EIF2B4: variants seen among roughly 807,000 people sequenced by gnomAD.
EIF2B4 encodes the protein eukaryotic translation initiation factor 2B subunit delta, also known as translation initiation factor eIF2B subunit delta.
EIF2B4 carries 34 observed loss-of-function variants against 66.7 expected under a neutral mutation model. The observed-to-expected ratio is 0.51, with a 90% CI of 0.39 to 0.68. The LOEUF (loss-of-function observed/expected upper bound fraction) is 0.68, where lower values mean the gene tolerates loss of function less well. Among genes scored for constraint, EIF2B4 ranks in the 30% least tolerant of loss-of-function variants. EIF2B4 has a pLI of 0.00. For synonymous variants in EIF2B4, 278 were observed against 253.6 expected (o/e 1.10, Z -0.92); for missense variants, 618 against 657.9 (o/e 0.94, Z 0.66).
In EIF2B4 at chr2:27,368,713, A is replaced by G; in HGVS notation, c.439T>C (p.Tyr147His). 6.2e-7 allele frequency: 1 copy of G among 1,614,136 alleles called. No homozygotes were observed. Among genetic ancestry groups the G allele is most frequent in the South Asian group, 1.1e-5 (1 of 91,082 alleles). ...TPSGVKRLPEYPQVDDLLLRR... is the reference protein window; with the variant it reads ...TPSGVKRLPEHPQVDDLLLRR... Reference sequence around the variant, plus strand: ...AGAAGTAGGTCATCAACCTGAGGGTACTCAGGGAGACGCTTCACTCCTGAA... The same window carrying G: ...AGAAGTAGGTCATCAACCTGAGGGTGCTCAGGGAGACGCTTCACTCCTGAA... Residue 147 changes from tyrosine to histidine, a missense_variant, in exon 5 of 13, where the codon TAC becomes CAC. Around this residue, in one of 4 missense-constraint regions of EIF2B4, gnomAD observed 506 missense variants for 511.9 expected, o/e 0.99. Transcript: ENST00000347454.
At chr2:27,367,422 A>G in intron 9 of EIF2B4, 35 bp downstream of exon 9, 2 of 1,612,002 alleles carry the variant, frequency 1.2e-6, no homozygotes, top group Non-Finnish European at 1.7e-6. Context: ...TTTTACCCAC[A>G]GGTGCATGCC....
chr2:27,368,487 C>G, intron 5 of EIF2B4, 24 bp from the exon 6 acceptor site: 2 of 1,599,402 alleles, frequency 1.3e-6, no homozygotes, highest in African/African-American at 2.7e-5. Context: ...GGGAACAGGA[C>G]CAATGGCCCA....
intron 7 of EIF2B4, 98 bp from the exon 8 acceptor site, chr2:27,367,920 A>G (rs1019449767): frequency 8.1e-6 from 12 of 1,482,622 alleles, no homozygotes; most frequent in Non-Finnish European, 1.1e-5. Flanking sequence ...TTCTGAGGGT[A>G]GGAGTATTCC....
At chr2:27,366,584 T>G (rs1572603072) in intron 11 of EIF2B4, 175 bp downstream of exon 11, 2 of 723,786 alleles carry the variant, frequency 2.8e-6, no homozygotes, top group Non-Finnish European at 2.4e-6. Flanking sequence ...GAGGCGGAGG[T>G]GGGAAGATCA....
At position 27,369,420 on chromosome 2, in the gene EIF2B4, A is replaced by G. The variant is rs766318671; in HGVS notation, c.205T>C (p.Cys69Arg). The G allele has an allele frequency of 6.2e-7, 1 of 1,613,952 alleles. No homozygotes were observed. The highest frequency in any genetic ancestry group is 8.5e-7 in the Non-Finnish European group (1 of 1,179,986). The change falls in exon 3 of 13, where the codon TGT becomes CGT. Residue 69 changes from cysteine to arginine, a missense_variant. Cys to Arg is a radical substitution (Grantham distance 180). Around this residue, in one of 4 missense-constraint regions of EIF2B4, gnomAD observed 506 missense variants for 511.9 expected, o/e 0.99. Transcript: ENST00000347454. Reference sequence around the variant, plus strand: ...AAAGAGACCCCTCACTCACCTTGACATTGGGCTGCAGATACAGCAGAGCCA... The same window carrying G: ...AAAGAGACCCCTCACTCACCTTGACGTTGGGCTGCAGATACAGCAGAGCCA... ...ETGSAVSAAQ[C>R]QVGPTRELPE...
intron 4 of EIF2B4, 48 bp from the exon 5 acceptor site, chr2:27,368,781 T>G: frequency 6.3e-7 from 1 of 1,595,544 alleles, no homozygotes; most frequent in East Asian, 2.2e-5. Flanking sequence ...TCTTGAAATG[T>G]GTAATTTGCT....
intron 11 of EIF2B4, chr2:27,366,037 GGTGTGTGT>G (rs141604697): frequency 6.8e-6 from 1 of 146,426 alleles, no homozygotes; most frequent in Non-Finnish European, 1.5e-5. Context: ...ACCATGCCCG[GGTGTGTGT>G]GTGTGTGTGT....
chr2:27,367,217 T>A lies in EIF2B4; in HGVS notation c.886-16A>T. The A allele has an allele frequency of 6.2e-7, 1 of 1,614,080 alleles. No homozygotes were observed. Among genetic ancestry groups the A allele is most frequent in the Non-Finnish European group, 8.5e-7 (1 of 1,180,020 alleles). ...CTGACTTGGCCTAAATGGAGTAAAATCCTTAGTGAACAAGAAATGGACACT... is the reference window on the plus strand; with the variant it reads ...CTGACTTGGCCTAAATGGAGTAAAAACCTTAGTGAACAAGAAATGGACACT... On this transcript the variant is annotated splice_polypyrimidine_tract_variant and intron_variant, in intron 9 of 12. Transcript: ENST00000347454.
chr2:27,368,365 A>C lies in EIF2B4; in HGVS notation c.590+7T>G, dbSNP rs1682021289. On this transcript the variant is annotated splice_region_variant and intron_variant, in intron 6 of 12. Transcript: ENST00000347454. ...TCAAAAGTTATGACAATTTCATAGG[A>C]TCCTACCTCATAAACTGGGTCAGAG... 1.9e-6 allele frequency: 3 copies of C among 1,608,436 alleles called. No individual in the cohort carries two copies. In the East Asian group the frequency reaches 6.7e-5, roughly 36 times the overall value.
At chr2:27,370,078 G>A in intron 1 of EIF2B4, 159 bp from the exon 2 acceptor site, 4 of 1,502,844 alleles carry the variant, frequency 2.7e-6, no homozygotes, top group Middle Eastern at 1.7e-4. Flanking sequence ...ACTGCGCGGC[G>A]GATCAAAGGA....
rs1448645756 is a variant in EIF2B4 at position 27,366,886 on chromosome 2, C to T, written c.1064G>A (p.Arg355Gln). The T allele has an allele frequency of 4.3e-6, 7 of 1,614,040 alleles. No homozygotes were observed. The highest frequency in any genetic ancestry group is 3.3e-4 in the Middle Eastern group (2 of 6,082). Residue 355 changes from arginine (R) to glutamine (Q), a missense_variant, in exon 11 of 13, where the codon CGG becomes CAG. Around this residue, in one of 4 missense-constraint regions of EIF2B4, gnomAD observed 506 missense variants for 511.9 expected, o/e 0.99. Transcript: ENST00000347454. ...ILQEAWTEGR[R>Q]FRVVVVDSRP... ...GCTGTCCACCACTACCACCCGAAACCGCCGGCCCTCTGTCCAAGCCTCCTG... is the reference window on the plus strand; with the variant it reads ...GCTGTCCACCACTACCACCCGAAACTGCCGGCCCTCTGTCCAAGCCTCCTG...
intron 1 of EIF2B4, 180 bp downstream of exon 1, chr2:27,370,104 A>AC: frequency 6.6e-7 from 1 of 1,512,888 alleles, no homozygotes; most frequent in South Asian, 1.3e-5. Flanking sequence ...GGGGTCACCG[A>AC]CCCTCCTCAC....
intron 11 of EIF2B4, 87 bp downstream of exon 11, chr2:27,366,672 A>G: frequency 1.3e-6 from 2 of 1,534,582 alleles, no homozygotes; most frequent in Non-Finnish European, 1.8e-6. Flanking sequence ...AACAAAAACA[A>G]AACTGTAACT....
At chr2:27,368,956 C>G (rs776773132) in intron 4 of EIF2B4, 50 bp downstream of exon 4, 91 of 1,609,046 alleles carry the variant, frequency 5.7e-5, no homozygotes, top group Non-Finnish European at 7.5e-5. Context: ...GCAGCCTGAG[C>G]TGGCGTTATA....
intron 9 of EIF2B4, 53 bp downstream of exon 9, chr2:27,367,404 T>C: frequency 6.2e-7 from 1 of 1,610,314 alleles, no homozygotes; most frequent in South Asian, 1.1e-5. Context: ...TTTTAACATG[T>C]TTCTTAATTT....
rs760002611 is a variant in EIF2B4, at chr2:27,369,090, G to T, written c.334C>A (p.Arg112=). The change falls in exon 4 of 13, where the codon CGG becomes AGG. Residue 112 remains arginine, a synonymous_variant. Coordinates refer to ENST00000347454, the MANE Select transcript of EIF2B4 (RefSeq NM_001034116.2). ...CCTTTTCTTGCCTGTTTCAGGGCCC[G>T]CTCGGCCTCCTGCTTGGCTCGACGC... ...AERRAKQEAE[R]ALKQARKGEQ... 6.2e-6 allele frequency: 10 copies of T among 1,613,870 alleles called. No homozygotes were observed. In the African/African-American group the frequency reaches 1.2e-4, roughly 19 times the overall value.
At chr2:27,368,569 C>T (rs1682040382) in intron 5 of EIF2B4, 85 bp downstream of exon 5, 2 of 1,574,190 alleles carry the variant, frequency 1.3e-6, no homozygotes, top group Non-Finnish European at 1.7e-6. Flanking sequence ...AGCACCTATC[C>T]TTCTCACTTT....
At chr2:27,364,633 A>C in intron 12 of EIF2B4, 34 bp from the exon 13 acceptor site, 1 of 1,614,168 alleles carries the variant, frequency 6.2e-7, no homozygotes, top group Non-Finnish European at 8.5e-7. Flanking sequence ...ATGTTCTTTC[A>C]GAAAAGAAGT....
intron 1 of EIF2B4, 167 bp from the exon 2 acceptor site, chr2:27,370,086 G>A (rs1682280129): frequency 6.6e-7 from 1 of 1,506,232 alleles, no homozygotes; most frequent in Admixed American, 2.2e-5. Context: ...GCGGATCAAA[G>A]GAATGGAGGG....
Sources: allele counts gnomAD v4.1 joint callset, GRCh38; gene constraint gnomAD v4.1.1; regional missense constraint gnomAD v4.1.1; transcripts MANE v1.5; gene names NCBI Gene and HGNC (gene_info 2026-07-23, HGNC 2026-07-21).